The following ARHGAP15 variants were observed in gnomAD, a reference collection of about 807,000 sequenced individuals.
ARHGAP15 encodes rho GTPase-activating protein 15.
ARHGAP15 carries 51 observed loss-of-function variants against 63.7 expected under a neutral mutation model. The ratio of observed to expected loss-of-function variants is 0.80; its 90% CI spans 0.64 to 1.01. The LOEUF is 1.01. ARHGAP15 is among the 50% of genes least tolerant of loss of function. The pLI, the probability that ARHGAP15 is intolerant of heterozygous loss-of-function variation, is 0.00. For missense variants in ARHGAP15, 560 were observed against 564.6 expected (o/e 0.99, Z 0.08); for synonymous variants, 191 against 193.8 (o/e 0.99, Z 0.12).
chr2:143,671,903 A>G (rs1407374202), intron 12 of ARHGAP15, among the ~76,000 whole-genome samples: 1 of 152,190 alleles, frequency 6.6e-6, no homozygotes, highest in African/African-American at 2.4e-5. Context: ...TGTGAATTCC[A>G]GCCTGCACTA....
chr2:143,401,543 T>C (rs1687988350), intron 6 of ARHGAP15, among the ~76,000 whole-genome samples: 1 of 152,066 alleles, frequency 6.6e-6, no homozygotes, highest in African/African-American at 2.4e-5. Flanking sequence ...TTTTTGTTGT[T>C]GAGTGTTTCA....
intron 6 of ARHGAP15, among the ~76,000 whole-genome samples, chr2:143,398,817 G>A (rs1464974371): frequency 1.3e-5 from 2 of 151,540 alleles, no homozygotes; most frequent in Non-Finnish European, 2.9e-5. Context: ...AATTACGGAG[G>A]ATTTTTGACC....
intron 8 of ARHGAP15, among the ~76,000 whole-genome samples, chr2:143,454,621 A>G (rs1345408581): frequency 5.3e-5 from 8 of 152,102 alleles, no homozygotes; most frequent in Non-Finnish European, 1.2e-4. Flanking sequence ...CTGAAAACCA[A>G]CAAAGATGCA....
intron 12 of ARHGAP15, among the ~76,000 whole-genome samples, chr2:143,674,513 G>T (rs1329811653): frequency 1.3e-5 from 2 of 152,144 alleles, no homozygotes; most frequent in Admixed American, 6.6e-5. Context: ...ATTTCAGGGT[G>T]AGAAAAATGT....
At chr2:143,603,250 T>C (rs904803419) in intron 11 of ARHGAP15, among the ~76,000 whole-genome samples, 1 of 152,196 alleles carries the variant, frequency 6.6e-6, no homozygotes, top group South Asian at 2.1e-4. Flanking sequence ...AGAGTACTAC[T>C]GTCTTCTGCT....
intron 11 of ARHGAP15, among the ~76,000 whole-genome samples, chr2:143,598,825 G>C (rs1432322429): frequency 6.6e-6 from 1 of 152,088 alleles, no homozygotes; most frequent in South Asian, 2.1e-4. Context: ...GCTGAAGTGA[G>C]AGGATCACTT....
At chr2:143,445,658 T>A (rs1169425634) in intron 8 of ARHGAP15, among the ~76,000 whole-genome samples, 1 of 152,140 alleles carries the variant, frequency 6.6e-6, no homozygotes, top group African/African-American at 2.4e-5. Flanking sequence ...ACTTTTACCT[T>A]GAAATCAGGG....
chr2:143,708,498 C>G (rs1684429739), intron 13 of ARHGAP15, among the ~76,000 whole-genome samples: 1 of 152,096 alleles, frequency 6.6e-6, no homozygotes, highest in Non-Finnish European at 1.5e-5. Flanking sequence ...TCCCAGAGTC[C>G]CAGTGAGACT....
chr2:143,767,751 G>C (rs1297373909), intron 13 of ARHGAP15, among the ~76,000 whole-genome samples: 1 of 151,962 alleles, frequency 6.6e-6, no homozygotes, highest in Non-Finnish European at 1.5e-5. Context: ...ACAAATATTT[G>C]TTGAGTACCC....
chr2:143,613,588 A>T (rs1313676608), intron 11 of ARHGAP15, among the ~76,000 whole-genome samples: 1 of 152,162 alleles, frequency 6.6e-6, no homozygotes, highest in East Asian at 1.9e-4. Flanking sequence ...GTCTTTATAA[A>T]CTTCAGGAAA....
At chr2:143,389,564 T>C (rs901557297) in intron 6 of ARHGAP15, among the ~76,000 whole-genome samples, 1 of 152,168 alleles carries the variant, frequency 6.6e-6, no homozygotes, top group African/African-American at 2.4e-5. Context: ...AGTTTGCTAT[T>C]TCAAAGGAAA....
intron 5 of ARHGAP15, among the ~76,000 whole-genome samples, chr2:143,231,860 G>A (rs1693455707): frequency 6.6e-6 from 1 of 152,194 alleles, no homozygotes. Context: ...ACATGGCAGA[G>A]GGCAGAAAGT....
chr2:143,556,651 T>C (rs976511248), intron 11 of ARHGAP15, among the ~76,000 whole-genome samples, 166 bp downstream of exon 11: 1 of 152,052 alleles, frequency 6.6e-6, no homozygotes, highest in Admixed American at 6.6e-5. Context: ...CCAACTAGTT[T>C]ATCTAGAAAA....
At chr2:143,143,889 T>C (rs1475749806) in intron 1 of ARHGAP15, among the ~76,000 whole-genome samples, 1 of 152,028 alleles carries the variant, frequency 6.6e-6, no homozygotes, top group Non-Finnish European at 1.5e-5. Context: ...ACCCATTAGT[T>C]ATTTTTCCTT....
intron 11 of ARHGAP15, among the ~76,000 whole-genome samples, chr2:143,584,022 A>G (rs1459196503): frequency 1.3e-5 from 2 of 152,214 alleles, no homozygotes; most frequent in African/African-American, 4.8e-5. Flanking sequence ...TTTGACTGAT[A>G]GATTTAATAT....
intron 12 of ARHGAP15, among the ~76,000 whole-genome samples, chr2:143,688,318 CTTG>C (rs374981538): frequency 3.0e-4 from 46 of 152,234 alleles, no homozygotes; most frequent in African/African-American, 1.1e-3. Context: ...GAATAAAAAA[CTTG>C]TTTAGTATCT....
At chr2:143,701,281 T>TCTAAACTAA (rs563504982) in intron 12 of ARHGAP15, among the ~76,000 whole-genome samples, 118 of 152,350 alleles carry the variant, frequency 7.7e-4, no homozygotes, top group African/African-American at 2.6e-3. Flanking sequence ...CCTGCCAGTT[T>TCTAAACTAA]CTAAACTAAC....
intron 6 of ARHGAP15, among the ~76,000 whole-genome samples, chr2:143,255,552 C>CAAA (rs1680376964): frequency 6.6e-6 from 1 of 152,004 alleles, no homozygotes; most frequent in African/African-American, 2.4e-5. Context: ...CTGAATATGT[C>CAAA]TTATCTTAAA....
intron 5 of ARHGAP15, among the ~76,000 whole-genome samples, chr2:143,231,417 C>T (rs530937166): frequency 6.6e-6 from 1 of 152,106 alleles, no homozygotes; most frequent in East Asian, 1.9e-4. Context: ...AAGAATGTAT[C>T]CAGAAGTAGC....
Sources: allele counts gnomAD v4.1 joint callset (sites outside exome capture counted in the v4.1 genomes callset), GRCh38; gene constraint gnomAD v4.1.1; transcripts MANE v1.5; gene names NCBI Gene and HGNC (gene_info 2026-07-23, HGNC 2026-07-21).